MACROD2: variants seen among roughly 807,000 people sequenced by gnomAD.
MACROD2 encodes the protein mono-ADP ribosylhydrolase 2, also known as ADP-ribose glycohydrolase MACROD2.
In MACROD2, 36 loss-of-function variants were observed where a neutral mutation model predicts 70.4. The ratio of observed to expected loss-of-function variants is 0.51; its 90% CI spans 0.39 to 0.68. The LOEUF (loss-of-function observed/expected upper bound fraction) is 0.68. Among genes scored for constraint, MACROD2 ranks in the 30% least tolerant of loss-of-function variants. The pLI is 0.00. For missense variants in MACROD2, 496 were observed against 538.4 expected (o/e 0.92, Z 0.78); for synonymous variants, 172 against 178.8 (o/e 0.96, Z 0.30).
intron 4 of MACROD2, among the ~76,000 whole-genome samples, chr20:14,609,675 A>G (rs1983035900): frequency 6.6e-6 from 1 of 152,144 alleles, no homozygotes; most frequent in Non-Finnish European, 1.5e-5. Context: ...AGATTACACA[A>G]ATGGCCAGTT....
intron 8 of MACROD2, among the ~76,000 whole-genome samples, chr20:15,712,367 T>G: frequency 6.6e-6 from 1 of 152,244 alleles, no homozygotes; most frequent in East Asian, 1.9e-4. Flanking sequence ...TGGAAGATGC[T>G]TCTTGGAACT....
At chr20:14,562,887 A>ATTCTGGTTTTGTGCTCTTT (rs1979534236) in intron 4 of MACROD2, among the ~76,000 whole-genome samples, 1 of 151,572 alleles carries the variant, frequency 6.6e-6, no homozygotes, top group Non-Finnish European at 1.5e-5. Flanking sequence ...GATATGCTAG[A>ATTCTGGTTTTGTGCTCTTT]TTCTGGTTTT....
chr20:15,116,922 T>C (rs1010011394), intron 5 of MACROD2, among the ~76,000 whole-genome samples: 1 of 152,214 alleles, frequency 6.6e-6, no homozygotes, highest in African/African-American at 2.4e-5. Context: ...GTATATTCTT[T>C]TTAAAGAAGT....
chr20:15,866,544 C>T (rs1284248681), intron 9 of MACROD2, among the ~76,000 whole-genome samples: 5 of 152,112 alleles, frequency 3.3e-5, no homozygotes, highest in Non-Finnish European at 7.4e-5. Flanking sequence ...GAGGATTCAG[C>T]TAGGAAGCAA....
intron 4 of MACROD2, among the ~76,000 whole-genome samples, chr20:14,577,168 C>T (rs1980653364): frequency 6.6e-6 from 1 of 152,160 alleles, no homozygotes; most frequent in African/African-American, 2.4e-5. Flanking sequence ...TCTAAGGCCA[C>T]TGGATGGCCA....
At chr20:15,900,132 G>A (rs1024126502) in intron 10 of MACROD2, among the ~76,000 whole-genome samples, 1 of 152,072 alleles carries the variant, frequency 6.6e-6, no homozygotes, top group Non-Finnish European at 1.5e-5. Context: ...TCATAAGCAC[G>A]ATTTTTAATT....
intron 4 of MACROD2, among the ~76,000 whole-genome samples, chr20:14,537,455 G>T (rs1486399731): frequency 6.6e-6 from 1 of 152,126 alleles, no homozygotes; most frequent in African/African-American, 2.4e-5. Flanking sequence ...CTTCATTGTT[G>T]GTGTTTTCTC....
intron 9 of MACROD2, among the ~76,000 whole-genome samples, chr20:15,878,845 A>G (rs948343906): frequency 2.6e-5 from 4 of 152,164 alleles, no homozygotes; most frequent in Non-Finnish European, 4.4e-5. Context: ...ATATAAAGCT[A>G]GCTTTTACCC....
intron 7 of MACROD2, among the ~76,000 whole-genome samples, chr20:15,431,763 A>T (rs2046366226): frequency 6.6e-6 from 1 of 152,086 alleles, no homozygotes; most frequent in Non-Finnish European, 1.5e-5. Context: ...TAGAAAGCAT[A>T]ATGTACATAG....
rs572775269 is a variant in MACROD2, at chr20:15,258,834, C to G, written c.540+28773C>G. Among the ~76,000 whole-genome samples the G allele has an allele frequency of 2.0e-5, 3 of 152,100 alleles. No individual in the cohort carries two copies. The South Asian group carries it at 6.2e-4, about 32-fold the overall frequency. On this transcript the variant is annotated intron_variant, in intron 6 of 17. Transcript: ENST00000684519. ...GAGAGAACCAGTAAAGTGATAGAAC[C>G]AGTTCAAGGAACGTTTGCAGAGCTA...
chr20:15,588,308 A>G (rs465447), intron 8 of MACROD2, among the ~76,000 whole-genome samples: 96,285 of 151,926 alleles, frequency 0.63, 30,723 homozygotes, highest in African/African-American at 0.71. Context: ...TCCTGGGCCC[A>G]GCCCACAAAA....
chr20:15,128,110 A>G (rs1226463591), intron 5 of MACROD2, among the ~76,000 whole-genome samples: 1 of 152,064 alleles, frequency 6.6e-6, no homozygotes. Context: ...TGGGTGTCCA[A>G]CAATTAACCT....
At chr20:15,019,033 T>A (rs1466506195) in intron 5 of MACROD2, among the ~76,000 whole-genome samples, 2 of 152,164 alleles carry the variant, frequency 1.3e-5, no homozygotes, top group African/African-American at 4.8e-5. Context: ...AATTACCCAG[T>A]CTCAAGTATT....
chr20:15,276,528 T>C (rs899528150), intron 6 of MACROD2, among the ~76,000 whole-genome samples: 3 of 152,102 alleles, frequency 2.0e-5, no homozygotes, highest in Admixed American at 2.0e-4. Flanking sequence ...ACAGGAAAGA[T>C]GAGTAAGTCT....
intron 6 of MACROD2, among the ~76,000 whole-genome samples, chr20:15,358,466 G>A (rs532754076): frequency 6.6e-6 from 1 of 150,854 alleles, no homozygotes; most frequent in South Asian, 2.1e-4. Context: ...AGTTTTTAAC[G>A]TTTTATAACA....
intron 5 of MACROD2, among the ~76,000 whole-genome samples, chr20:14,744,287 GC>G (rs1213225421): frequency 2.6e-5 from 4 of 152,096 alleles, no homozygotes; most frequent in African/African-American, 9.7e-5. Flanking sequence ...GATCATAGAA[GC>G]TATGTTTTCA....
At position 15,151,422 on chromosome 20, in the gene MACROD2, A is replaced by G. The variant is rs1043412657; in HGVS notation, c.419-78518A>G. ...TGGAGGCAAGGAATTGCAACTCAGA[A>G]ATATATTGCTACTTGGCTGTCTCTA... On this transcript the variant is annotated intron_variant, in intron 5 of 17. Coordinates refer to ENST00000684519, the MANE Select transcript of MACROD2 (RefSeq NM_001351661.2). Among the ~76,000 whole-genome samples, 11 of 152,004 alleles carry G rather than the reference A, an allele frequency of 7.2e-5. 1 individual carries two copies. The highest frequency in any genetic ancestry group is 2.4e-4 in the African/African-American group (10 of 41,340).
chr20:14,841,029 ATAACTC>A, intron 5 of MACROD2, among the ~76,000 whole-genome samples: 1 of 152,278 alleles, frequency 6.6e-6, no homozygotes, highest in Admixed American at 6.5e-5. Flanking sequence ...AAAACTAAGA[ATAACTC>A]TAAGAGTGTA....
chr20:15,011,431 A>T (rs1479997501), intron 5 of MACROD2, among the ~76,000 whole-genome samples: 1 of 152,196 alleles, frequency 6.6e-6, no homozygotes, highest in African/African-American at 2.4e-5. Context: ...ACTTTCCTAT[A>T]TTAATAGCTA....
Sources: gnomAD v4.1 joint callset for allele counts (sites outside exome capture counted in the v4.1 genomes callset) on GRCh38, gnomAD v4.1.1 for gene constraint, MANE v1.5 for transcripts, NCBI Gene and HGNC (gene_info 2026-07-23, HGNC 2026-07-21) for gene names.